GRTP1: variants seen among roughly 807,000 people sequenced by gnomAD.
GRTP1 encodes growth hormone-regulated TBC protein 1.
GRTP1 carries 56 observed loss-of-function variants against 38.1 expected under a neutral mutation model. That is an observed-to-expected ratio of 1.47 (90% CI 1.19 to 1.84). The LOEUF (loss-of-function observed/expected upper bound fraction) is 1.84, where lower values mean the gene tolerates loss of function less well. GRTP1 is among the 40% of genes most tolerant of loss of function. The pLI, the probability that GRTP1 is intolerant of heterozygous loss-of-function variation, is 0.00. For missense variants in GRTP1, 506 were observed against 453.9 expected, an observed-to-expected ratio of 1.11 and a Z score of -1.04; for synonymous variants, 217 against 189.5, an observed-to-expected ratio of 1.14 and a Z score of -1.19.
At chr13:113,362,642 A>G (rs1397014366) in intron 2 of GRTP1, among the ~76,000 whole-genome samples, 1 of 151,998 alleles carries the variant, frequency 6.6e-6, no homozygotes. Flanking sequence ...AATAAAAGCA[A>G]AAGTTGATCT....
At chr13:113,352,254 TTATA>T (rs1289224253) in intron 3 of GRTP1, among the ~76,000 whole-genome samples, 3 of 49,986 alleles carry the variant, frequency 6.0e-5, no homozygotes, top group Non-Finnish European at 1.1e-4. Flanking sequence ...TTATATATAT[TTATA>T]TATTTTTATA....
At chr13:113,347,885 C>A (rs1405290586) in intron 4 of GRTP1, among the ~76,000 whole-genome samples, 14 of 120,146 alleles carry the variant, frequency 1.2e-4, no homozygotes, top group African/African-American at 3.3e-4. Context: ...CCTCTGAAGC[C>A]GAGAGCAGAC....
chr13:113,345,905 A>G (rs993605722), intron 4 of GRTP1, among the ~76,000 whole-genome samples: 6 of 151,882 alleles, frequency 4.0e-5, no homozygotes, highest in Non-Finnish European at 7.4e-5. Context: ...AGCTCTGGGA[A>G]GAACCGACTG....
rs1028565722 is a variant in GRTP1, at chr13:113,343,800, C to G, written c.562+1063G>C. Among the ~76,000 whole-genome samples the G allele has an allele frequency of 1.3e-5, 2 of 152,222 alleles. No homozygotes were observed. The highest frequency in any genetic ancestry group is 6.5e-5 in the Admixed American group (1 of 15,290). On this transcript the variant is annotated intron_variant, in intron 5 of 7. Transcript: ENST00000375431. The surrounding 1 kb of genome is among the most constrained non-coding windows in gnomAD (Gnocchi z 4.8). ...TGGGGACTGGCCCGGCTGCCCCTCACGTCTCCTCTGCCCTGCAGGATGAGC... is the reference window on the plus strand; with the variant it reads ...TGGGGACTGGCCCGGCTGCCCCTCAGGTCTCCTCTGCCCTGCAGGATGAGC...
At chr13:113,352,311 A>ATTTTATAT (rs2043291023) in intron 3 of GRTP1, among the ~76,000 whole-genome samples, 2 of 32,218 alleles carry the variant, frequency 6.2e-5, no homozygotes, top group African/African-American at 9.6e-5. Flanking sequence ...TTTTATATAT[A>ATTTTATAT]TTTTATATAT....
intron 3 of GRTP1, among the ~76,000 whole-genome samples, chr13:113,352,759 G>A (rs80019044): frequency 0.015 from 2,352 of 152,336 alleles, 66 homozygotes; most frequent in African/African-American, 0.052. Flanking sequence ...GGAGCTTTCT[G>A]TCTGCACTGC....
chr13:113,346,163 T>C (rs1164575127), intron 4 of GRTP1, among the ~76,000 whole-genome samples: 103 of 120,178 alleles, frequency 8.6e-4, no homozygotes, highest in African/African-American at 1.9e-3. Context: ...CCTCTGTGCC[T>C]GACAGTGGAC....
At chr13:113,347,988 G>C (rs1217826479) in intron 4 of GRTP1, among the ~76,000 whole-genome samples, 1 of 150,394 alleles carries the variant, frequency 6.6e-6, no homozygotes. Context: ...GAGCAGACCT[G>C]GGAGGACCTG....
chr13:113,361,807 A>G (rs2043504698), intron 2 of GRTP1: 1 of 152,210 alleles, frequency 6.6e-6, no homozygotes, highest in Admixed American at 6.5e-5. Flanking sequence ...TTAAGTTCAC[A>G]TGTCTTATAT....
intron 2 of GRTP1, among the ~76,000 whole-genome samples, chr13:113,358,491 T>C (rs2043436584): frequency 6.6e-6 from 1 of 152,184 alleles, no homozygotes; most frequent in African/African-American, 2.4e-5. Flanking sequence ...AAACTTTATA[T>C]GCAAAGCGAA....
rs1436266826 is a variant in GRTP1, at chr13:113,363,823, G to T, written c.120C>A (p.Thr40=). ...KFFSSYLVTL[T]RRAIKWSRLL... ...GCCGGGACCATTTGATCGCCCTGCG[G>T]GTGAGCGTGACCAGGTAGCTGGAGA... Residue 40 remains threonine (T), a synonymous_variant, in exon 2 of 8, where the codon ACC becomes ACA. Coordinates refer to ENST00000375431, the MANE Select transcript of GRTP1 (RefSeq NM_024719.4). 1 of 1,611,914 alleles carries T rather than the reference G, an allele frequency of 6.2e-7. No homozygotes were observed. Among genetic ancestry groups the T allele is most frequent in the African/African-American group, 1.3e-5 (1 of 74,874 alleles).
chr13:113,362,127 C>T (rs559130227), intron 2 of GRTP1, among the ~76,000 whole-genome samples: 1 of 151,804 alleles, frequency 6.6e-6, no homozygotes, highest in Non-Finnish European at 1.5e-5. Context: ...CTAGCCTGGG[C>T]GACAGAGTGA....
At chr13:113,329,017 A>T (rs757943064) in intron 5 of GRTP1, among the ~76,000 whole-genome samples, 1 of 152,270 alleles carries the variant, frequency 6.6e-6, no homozygotes, top group Non-Finnish European at 1.5e-5. Flanking sequence ...CAGGCTGCCC[A>T]GGATGGTGAA....
chr13:113,343,688 G>C lies in GRTP1; in HGVS notation c.562+1175C>G, dbSNP rs536903314. ...TGTCCGTGTGGTGTGGCTGTTCTGA[G>C]GACAAGCGCAGCTCAGCAGGAAACT... On this transcript the variant is annotated intron_variant, in intron 5 of 7. Coordinates refer to ENST00000375431, the MANE Select transcript of GRTP1 (RefSeq NM_024719.4). This position sits in a 1 kb window ranked among gnomAD's most constrained non-coding sequence, Gnocchi z 4.8. Among the ~76,000 whole-genome samples the C allele has an allele frequency of 1.3e-5, 2 of 152,334 alleles. No individual in the cohort carries two copies. The highest frequency in any genetic ancestry group is 4.8e-5 in the African/African-American group (2 of 41,580).
chr13:113,358,196 T>C (rs1424415169), intron 2 of GRTP1, among the ~76,000 whole-genome samples: 1 of 151,442 alleles, frequency 6.6e-6, no homozygotes, highest in Non-Finnish European at 1.5e-5. Flanking sequence ...AATAAATACA[T>C]AAAAATAAAA....
chr13:113,351,190 C>T (rs751522877), intron 3 of GRTP1, among the ~76,000 whole-genome samples: 1 of 152,162 alleles, frequency 6.6e-6, no homozygotes, highest in Non-Finnish European at 1.5e-5. Context: ...GGGCCCTAAC[C>T]GTCCTTCCCG....
At chr13:113,344,254 C>A (rs566746721) in intron 5 of GRTP1, among the ~76,000 whole-genome samples, 1 of 152,154 alleles carries the variant, frequency 6.6e-6, no homozygotes, top group Non-Finnish European at 1.5e-5. Flanking sequence ...AAGTTACCAA[C>A]TGAGGAAGGG....
At chr13:113,333,874 T>TGTGCGCGCGC (rs33972835) in intron 5 of GRTP1, among the ~76,000 whole-genome samples, 1 of 135,264 alleles carries the variant, frequency 7.4e-6, no homozygotes, top group African/African-American at 2.8e-5. Flanking sequence ...TGTGTGTGTG[T>TGTGCGCGCGC]CCGAGGCTGG....
At chr13:113,341,574 TTTC>T (rs1222147183) in intron 5 of GRTP1, among the ~76,000 whole-genome samples, 15 of 152,248 alleles carry the variant, frequency 9.9e-5, no homozygotes, top group Admixed American at 7.2e-4. Flanking sequence ...GCTACATTTT[TTTC>T]TTATCAGTCT....
Sources: gnomAD v4.1 joint callset for allele counts (sites outside exome capture counted in the v4.1 genomes callset) on GRCh38, gnomAD v4.1.1 for gene constraint, Gnocchi (gnomAD v3.1) non-coding constraint, MANE v1.5 for transcripts, NCBI Gene and HGNC (gene_info 2026-07-23, HGNC 2026-07-21) for gene names.